Variants in CHST11 observed in about 807,000 individuals in gnomAD.
CHST11 encodes the protein carbohydrate sulfotransferase 11.
A neutral mutation model predicts 30.4 loss-of-function variants in CHST11; 9 were observed. The ratio of observed to expected loss-of-function variants is 0.30; its 90% confidence interval spans 0.18 to 0.52. The LOEUF is 0.52. Ranked by LOEUF, CHST11 falls within the 20% of genes least tolerant of loss-of-function variation. The pLI is 0.97. For synonymous variants in CHST11, 152 were observed against 187.8 expected (o/e 0.81, Z 1.56); for missense variants, 348 against 460.6 (o/e 0.76, Z 2.24).
chr12:104,531,465 C>CAAA (rs1439489189), intron 1 of CHST11, among the ~76,000 whole-genome samples: 1 of 119,902 alleles, frequency 8.3e-6, no homozygotes, highest in African/African-American at 3.3e-5. Context: ...ATCCTGTGTC[C>CAAA]AAAAAAAAAA....
intron 1 of CHST11, among the ~76,000 whole-genome samples, chr12:104,463,584 A>T (rs2037430080): frequency 6.6e-6 from 1 of 152,302 alleles, no homozygotes; most frequent in Admixed American, 6.5e-5. Flanking sequence ...TGGAACTTAG[A>T]TTCTAGTGGG....
At chr12:104,556,980 CAA>C (rs529711471) in intron 1 of CHST11, among the ~76,000 whole-genome samples, 79 of 77,060 alleles carry the variant, frequency 1.0e-3, no homozygotes, top group Admixed American at 9.5e-4. Flanking sequence ...GACTCTGTCT[CAA>C]AAAAAAAAAA....
intron 2 of CHST11, among the ~76,000 whole-genome samples, chr12:104,725,624 C>T (rs2040211397): frequency 1.3e-5 from 2 of 151,834 alleles, no homozygotes; most frequent in Admixed American, 6.6e-5. Context: ...GTCACTTCTC[C>T]ACTTAAATAA....
At chr12:104,720,547 C>T (rs1178812592) in intron 2 of CHST11, among the ~76,000 whole-genome samples, 1 of 152,204 alleles carries the variant, frequency 6.6e-6, no homozygotes, top group Non-Finnish European at 1.5e-5. Context: ...TCCCCAGGAC[C>T]ACGGCCACCT....
At position 104,574,266 on chromosome 12, in the gene CHST11, G is replaced by C. The variant is rs1287873568; in HGVS notation, c.119-27640G>C. ...GAACACTTTTACACTGTTGGTGGGA[G>C]TGTAAACTAGTTCAACCATTGTGGA... On this transcript the variant is annotated intron_variant, in intron 1 of 2. Coordinates refer to ENST00000303694, the MANE Select transcript of CHST11 (RefSeq NM_018413.6). Among the ~76,000 whole-genome samples, 43 of 151,706 alleles carry C rather than the reference G, an allele frequency of 2.8e-4. 1 individual carries two copies. The East Asian group carries it at 3.5e-3, about 12-fold the overall frequency.
chr12:104,655,041 C>A (rs908867333), intron 2 of CHST11, among the ~76,000 whole-genome samples: 2 of 152,212 alleles, frequency 1.3e-5, no homozygotes, highest in Admixed American at 1.3e-4. Context: ...TGTCTTGGAT[C>A]TCTGTCTGTC....
In CHST11 at chr12:104,457,205, C is replaced by T; in HGVS notation, c.-207C>T. On this transcript the variant is annotated 5_prime_UTR_variant, in exon 1 of 3. Coordinates refer to ENST00000303694, the MANE Select transcript of CHST11 (RefSeq NM_018413.6). ...CAGCCAGCGGGTCCACGCATCTCAG[C>T]ACTTCCAGACCAACTCCGGCACCTT... 2.2e-6 allele frequency: 1 copy of T among 463,480 alleles called. No homozygotes were observed. Among genetic ancestry groups the T allele is most frequent in the Non-Finnish European group, 3.9e-6 (1 of 258,220 alleles). The allele number at this position is 463,480 out of a possible 1,614,324, so 28.7% of individuals were successfully genotyped here.
chr12:104,689,473 C>T lies in CHST11; in HGVS notation c.205-67476C>T, dbSNP rs540537906. ...AGCTGTGAGGCTGAGACGAGGTGAG[C>T]AAGTCCTTTTGAATTCTCTTTCATG... On this transcript the variant is annotated intron_variant, in intron 2 of 2. Transcript: ENST00000303694. 2.0e-5 allele frequency among the ~76,000 whole-genome samples: 3 copies of T among 152,326 alleles called. No homozygotes were observed. The East Asian group carries it at 5.8e-4, about 29-fold the overall frequency.
chr12:104,478,198 C>T (rs1207375192), intron 1 of CHST11, among the ~76,000 whole-genome samples: 1 of 152,190 alleles, frequency 6.6e-6, no homozygotes, highest in Non-Finnish European at 1.5e-5. Flanking sequence ...CACACACAAA[C>T]ACACACGGCA....
intron 1 of CHST11, among the ~76,000 whole-genome samples, chr12:104,500,232 C>T (rs2037839884): frequency 6.6e-6 from 1 of 152,180 alleles, no homozygotes; most frequent in South Asian, 2.1e-4. Flanking sequence ...TATATCTGAG[C>T]TCTCATTTTA....
At chr12:104,631,475 C>T (rs887802688) in intron 2 of CHST11, among the ~76,000 whole-genome samples, 4 of 152,160 alleles carry the variant, frequency 2.6e-5, no homozygotes, top group Non-Finnish European at 4.4e-5. Context: ...CCGAGGCCAC[C>T]TTTGAGCTAC....
intron 2 of CHST11, among the ~76,000 whole-genome samples, chr12:104,698,972 T>C (rs1427814325): frequency 6.6e-6 from 1 of 152,218 alleles, no homozygotes; most frequent in African/African-American, 2.4e-5. Context: ...CAATATGAAT[T>C]AGGGAAGACT....
chr12:104,752,335 T>C (rs2040438833), intron 2 of CHST11, among the ~76,000 whole-genome samples: 1 of 152,116 alleles, frequency 6.6e-6, no homozygotes, highest in South Asian at 2.1e-4. Context: ...CCCACCCTAA[T>C]CCAGTATCAT....
intron 1 of CHST11, among the ~76,000 whole-genome samples, chr12:104,491,005 C>G (rs1305258909): frequency 2.0e-5 from 3 of 147,782 alleles, no homozygotes; most frequent in Non-Finnish European, 4.5e-5. Flanking sequence ...TGCTGGGTGG[C>G]AGGGGAGGTC....
intron 1 of CHST11, chr12:104,552,030 T>C (rs2038410526): frequency 6.6e-6 from 1 of 152,160 alleles, no homozygotes; most frequent in Admixed American, 6.5e-5. Context: ...TAAATTAGAG[T>C]TTCTGAAACT....
At chr12:104,640,554 C>T (rs1333136027) in intron 2 of CHST11, among the ~76,000 whole-genome samples, 1 of 152,128 alleles carries the variant, frequency 6.6e-6, no homozygotes. Flanking sequence ...CAGTAAATGA[C>T]TATGGGGGCA....
intron 2 of CHST11, among the ~76,000 whole-genome samples, chr12:104,671,105 G>C (rs915338675): frequency 6.6e-6 from 1 of 152,186 alleles, no homozygotes; most frequent in Non-Finnish European, 1.5e-5. Context: ...GTAGAGAATG[G>C]CTAGTTTTAG....
intron 1 of CHST11, among the ~76,000 whole-genome samples, chr12:104,497,697 G>A (rs752465124): frequency 6.6e-5 from 10 of 151,978 alleles, no homozygotes; most frequent in South Asian, 4.2e-4. Flanking sequence ...CCTTCTTACC[G>A]TATGTCCACA....
chr12:104,583,511 C>T (rs1650144), intron 1 of CHST11, among the ~76,000 whole-genome samples: 72,744 of 151,674 alleles, frequency 0.48, 19,933 homozygotes, highest in African/African-American at 0.75. Flanking sequence ...ACAGCCTAGC[C>T]TCCCCCAAAG....
Sources: allele counts gnomAD v4.1 joint callset (sites outside exome capture counted in the v4.1 genomes callset), GRCh38; gene constraint gnomAD v4.1.1; transcripts MANE v1.5; gene names NCBI Gene and HGNC (gene_info 2026-07-23, HGNC 2026-07-21).